Variants in KIAA0232 observed in about 807,000 individuals in gnomAD.
The protein encoded by KIAA0232 is KIAA0232, also known as uncharacterized protein KIAA0232.
In KIAA0232, 27 loss-of-function variants were observed where a neutral mutation model predicts 122.0. The ratio of observed to expected loss-of-function variants is 0.22; its 90% CI spans 0.16 to 0.31. The LOEUF is 0.31. KIAA0232 is among the 10% of genes least tolerant of loss of function. KIAA0232 has a pLI of 1.00. For synonymous variants in KIAA0232, 613 were observed against 587.6 expected (o/e 1.04, Z -0.63); for missense variants, 1,551 against 1,634.2 (o/e 0.95, Z 0.88).
At position 6,878,294 on chromosome 4, in the gene KIAA0232, G is replaced by A. The variant is rs1721857281; in HGVS notation, c.4008+1537G>A. Among the ~76,000 whole-genome samples, 3 of 152,144 alleles carry A rather than the reference G, an allele frequency of 2.0e-5. No homozygotes were observed. In the South Asian group the frequency reaches 6.2e-4, roughly 31 times the overall value. ...GGAGGCTGAAGCTGGAGAATTGCTTGAACCCAGGAGGTAGAGATTGCAGTG... is the reference window on the plus strand; with the variant it reads ...GGAGGCTGAAGCTGGAGAATTGCTTAAACCCAGGAGGTAGAGATTGCAGTG... On this transcript the variant is annotated intron_variant, in intron 9 of 9. Transcript: ENST00000307659.
intron 1 of KIAA0232, among the ~76,000 whole-genome samples, chr4:6,789,049 C>T (rs1408181718): frequency 6.6e-6 from 1 of 152,012 alleles, no homozygotes; most frequent in Non-Finnish European, 1.5e-5. Flanking sequence ...CGGCTCACTG[C>T]CAACTCCACC....
In KIAA0232 at chr4:6,807,405, A is replaced by G. The variant is rs533574085; in HGVS notation, c.-270+2799A>G. ...TACGTGTTTATTTCTGATGACTAGT[A>G]AGCATGGAATTTCTCAATCTTTATG... On this transcript the variant is annotated intron_variant, in intron 2 of 9. Coordinates refer to ENST00000307659, the MANE Select transcript of KIAA0232 (RefSeq NM_014743.3). 8.5e-5 allele frequency among the ~76,000 whole-genome samples: 13 copies of G among 152,356 alleles called. No individual in the cohort carries two copies. In the South Asian group the frequency reaches 2.7e-3, roughly 32 times the overall value.
Position 6,818,415 on chromosome 4 carries a change from A to G in KIAA0232, c.-269-5770A>G, listed in dbSNP as rs570820253. Among the ~76,000 whole-genome samples the G allele has an allele frequency of 2.4e-3, 363 of 151,670 alleles. 6 individuals carry two copies. Among genetic ancestry groups the G allele is most frequent in the Non-Finnish European group, 1.4e-3 (92 of 67,910 alleles). On this transcript the variant is annotated intron_variant, in intron 2 of 9. Transcript: ENST00000307659. ...ACTCCGTCTCAAAAAAAAAAAAAAA[A>G]AAAGAATACACTCCCTGGACTGGCA...
chr4:6,875,574 A>T (rs965316803), intron 8 of KIAA0232, among the ~76,000 whole-genome samples: 17 of 152,204 alleles, frequency 1.1e-4, no homozygotes, highest in African/African-American at 4.1e-4. Flanking sequence ...CTCTGTGCCA[A>T]GGTAGAAGGG....
At chr4:6,793,061 A>G (rs1425933050) in intron 1 of KIAA0232, among the ~76,000 whole-genome samples, 2 of 152,106 alleles carry the variant, frequency 1.3e-5, no homozygotes, top group African/African-American at 2.4e-5. Context: ...AGCCAGTCCT[A>G]TGAAGACTTC....
chr4:6,850,437 C>T (rs1463117487), intron 4 of KIAA0232, among the ~76,000 whole-genome samples: 1 of 152,144 alleles, frequency 6.6e-6, no homozygotes, highest in Non-Finnish European at 1.5e-5. Context: ...CATGATTTTG[C>T]ATTTTCTTAA....
chr4:6,846,242 T>TC (rs1205538233), intron 4 of KIAA0232, among the ~76,000 whole-genome samples: 1 of 152,138 alleles, frequency 6.6e-6, no homozygotes, highest in Non-Finnish European at 1.5e-5. Flanking sequence ...AGGAGAGTCT[T>TC]CAAGTCCCAG....
At chr4:6,873,636 A>G (rs566630615) in intron 8 of KIAA0232, among the ~76,000 whole-genome samples, 1 of 148,122 alleles carries the variant, frequency 6.8e-6, no homozygotes, top group African/African-American at 2.7e-5. Flanking sequence ...TAAAGAATCC[A>G]GTTTCACCTC....
intron 7 of KIAA0232, among the ~76,000 whole-genome samples, chr4:6,865,884 A>C (rs1467599139): frequency 1.3e-5 from 2 of 151,730 alleles, no homozygotes; most frequent in Non-Finnish European, 2.9e-5. Context: ...TGCATTTTTC[A>C]TTTCTCATGA....
intron 2 of KIAA0232, among the ~76,000 whole-genome samples, chr4:6,821,612 A>G (rs573164114): frequency 6.6e-6 from 1 of 152,110 alleles, no homozygotes; most frequent in African/African-American, 2.4e-5. Flanking sequence ...ACATATATAC[A>G]CATATCTATA....
intron 7 of KIAA0232, among the ~76,000 whole-genome samples, chr4:6,868,641 G>A (rs1011784489): frequency 5.9e-5 from 9 of 152,164 alleles, no homozygotes; most frequent in South Asian, 2.1e-4. Context: ...CCATGACAGC[G>A]ACCTTCTGAT....
At position 6,882,625 on chromosome 4, in the gene KIAA0232, G is replaced by GGT. The variant is rs61021076; in HGVS notation, c.*1681_*1682dup. 0.016 allele frequency: 2,402 copies of GGT among 150,638 alleles called. 22 individuals are homozygous for GGT. The highest frequency in any genetic ancestry group is 0.033 in the East Asian group (169 of 5,130). The allele number at this position is 150,638 out of a possible 1,614,324, so 9.3% of individuals were successfully genotyped here. On this transcript the variant is annotated 3_prime_UTR_variant, in exon 10 of 10. Coordinates refer to ENST00000307659, the MANE Select transcript of KIAA0232 (RefSeq NM_014743.3). ...ATTTTTTGACACTTTAAGGTGGGTG[G>GGT]GTGTGTGTGTGTGTGTGTGTGTGCG...
chr4:6,878,110 C>G (rs907521058), intron 9 of KIAA0232, among the ~76,000 whole-genome samples: 1 of 152,178 alleles, frequency 6.6e-6, no homozygotes, highest in African/African-American at 2.4e-5. Context: ...CGCTGTGGCT[C>G]ACGCTTGTAA....
chr4:6,853,191 AG>A (rs1393387430), intron 4 of KIAA0232, among the ~76,000 whole-genome samples: 2 of 152,214 alleles, frequency 1.3e-5, no homozygotes, highest in African/African-American at 4.8e-5. Context: ...TTTCTTAACG[AG>A]GAAGAGGTTG....
intron 2 of KIAA0232, among the ~76,000 whole-genome samples, chr4:6,816,426 G>A (rs1718130920): frequency 6.6e-6 from 1 of 151,948 alleles, no homozygotes; most frequent in Non-Finnish European, 1.5e-5. Flanking sequence ...GGGACTACAA[G>A]CGCCTGCCAC....
chr4:6,789,210 G>T (rs1716769985), intron 1 of KIAA0232, among the ~76,000 whole-genome samples: 1 of 150,934 alleles, frequency 6.6e-6, no homozygotes. Context: ...TGACCTCGTG[G>T]TCTGCCCGCT....
intron 1 of KIAA0232, among the ~76,000 whole-genome samples, chr4:6,786,369 C>T (rs1345024904): frequency 6.6e-6 from 1 of 152,182 alleles, no homozygotes; most frequent in Non-Finnish European, 1.5e-5. Context: ...GTGGTGTGAT[C>T]GTGGCTCACT....
Position 6,863,241 on chromosome 4 carries a change from C to A in KIAA0232, c.2859C>A (p.His953Gln), listed in dbSNP as rs759897230. 9.9e-6 allele frequency: 16 copies of A among 1,614,016 alleles called. No homozygotes were observed. Among genetic ancestry groups the A allele is most frequent in the Non-Finnish European group, 1.4e-5 (16 of 1,180,016 alleles). Residue 953 changes from histidine (H) to glutamine (Q), a missense_variant, in exon 7 of 10, where the codon CAC (histidine) becomes CAA (glutamine). Physicochemically the swap from His to Gln is conservative, Grantham distance 24. Coordinates refer to ENST00000307659, the MANE Select transcript of KIAA0232 (RefSeq NM_014743.3). ...AGTGGGCAGTCGTACCACCTAGTCA[C>A]ACAAAAGGAAGTCTGTTACAGTGTG... ...DGEWAVVPPS[H>Q]TKGSLLQCAA...
At position 6,783,491 on chromosome 4, in the gene KIAA0232, G is replaced by C. The variant is rs1716455224; in HGVS notation, c.-354+650G>C. 2.0e-5 allele frequency among the ~76,000 whole-genome samples: 3 copies of C among 152,328 alleles called. No individual in the cohort carries two copies. The Middle Eastern group carries it at 0.01, about 522-fold the overall frequency. Reference sequence around the variant, plus strand: ...GGGAGGAAGGCTTCGGCCGGTGGGAGGCGCCCGGCGTCCCCGGCAGCGGGG... The same window carrying C: ...GGGAGGAAGGCTTCGGCCGGTGGGACGCGCCCGGCGTCCCCGGCAGCGGGG... On this transcript the variant is annotated intron_variant, in intron 1 of 9. Coordinates refer to ENST00000307659, the MANE Select transcript of KIAA0232 (RefSeq NM_014743.3).
Sources: allele counts gnomAD v4.1 joint callset (sites outside exome capture counted in the v4.1 genomes callset), GRCh38; gene constraint gnomAD v4.1.1; transcripts MANE v1.5; gene names NCBI Gene and HGNC (gene_info 2026-07-23, HGNC 2026-07-21).